The following ADGRB3 variants were observed in gnomAD, a reference collection of about 807,000 sequenced individuals.
ADGRB3 encodes the protein adhesion G protein-coupled receptor B3.
A neutral mutation model predicts 193.4 loss-of-function variants in ADGRB3; 37 were observed. That is an observed-to-expected ratio of 0.19 (90% CI 0.15 to 0.25). The LOEUF is 0.25. Among genes scored for constraint, ADGRB3 ranks in the 10% least tolerant of loss-of-function variants. ADGRB3 has a pLI of 1.00. For missense variants in ADGRB3, 1,637 were observed against 1,852.9 expected, an observed-to-expected ratio of 0.88 and a Z score of 2.14; for synonymous variants, 690 against 644.2, an observed-to-expected ratio of 1.07 and a Z score of -1.08.
chr6:69,042,509 A>C (rs552149733), intron 13 of ADGRB3, among the ~76,000 whole-genome samples: 1 of 151,968 alleles, frequency 6.6e-6, no homozygotes, highest in East Asian at 1.9e-4. Flanking sequence ...GTAAATATAT[A>C]AGTCATGTTT....
At chr6:69,127,195 C>T (rs1192902511) in intron 17 of ADGRB3, among the ~76,000 whole-genome samples, 1 of 152,170 alleles carries the variant, frequency 6.6e-6, no homozygotes, top group East Asian at 1.9e-4. Flanking sequence ...TTCCTGGTTG[C>T]AGGACCCCTT....
In ADGRB3 at chr6:68,975,246, G is replaced by A; in HGVS notation, c.1640G>A (p.Arg547Lys). 6.2e-7 allele frequency: 1 copy of A among 1,613,900 alleles called. No homozygotes were observed. The highest frequency in any genetic ancestry group is 8.5e-7 in the Non-Finnish European group (1 of 1,179,888). ...TTGTGACACACAGGCACCACTAGCA[G>A]ACGCTGCTCTCTCAGTCTTCATGGA... ...CPLNATGTTS[R>K]RCSLSLHGVA... Residue 547 changes from arginine to lysine, a missense_variant, in exon 10 of 32, where the codon AGA becomes AAA. Transcript: ENST00000370598.
At chr6:69,260,720 T>G (rs1297405562) in intron 20 of ADGRB3, among the ~76,000 whole-genome samples, 2 of 152,210 alleles carry the variant, frequency 1.3e-5, no homozygotes, top group African/African-American at 4.8e-5. Context: ...TCCAGGATTC[T>G]TACTTAGGGA....
intron 30 of ADGRB3, among the ~76,000 whole-genome samples, chr6:69,377,158 A>G (rs1192597020): frequency 6.6e-6 from 1 of 152,066 alleles, no homozygotes; most frequent in Non-Finnish European, 1.5e-5. Context: ...ATGAGTTTTG[A>G]CATTCACTTT....
chr6:69,206,193 G>A (rs191053454), intron 17 of ADGRB3, among the ~76,000 whole-genome samples: 2 of 151,648 alleles, frequency 1.3e-5, no homozygotes, highest in Non-Finnish European at 2.9e-5. Context: ...GGAGTCTGAT[G>A]TTTGAGGGCA....
intron 3 of ADGRB3, among the ~76,000 whole-genome samples, chr6:68,758,342 A>T (rs1396743202): frequency 5.3e-5 from 8 of 151,840 alleles, no homozygotes; most frequent in Non-Finnish European, 7.4e-5. Flanking sequence ...TATCATCATC[A>T]TCTCCTTCAT....
intron 31 of ADGRB3, among the ~76,000 whole-genome samples, chr6:69,387,074 A>G (rs1260939389): frequency 6.6e-6 from 1 of 152,106 alleles, no homozygotes; most frequent in Non-Finnish European, 1.5e-5. Flanking sequence ...GGCCCACAAT[A>G]TAAAGCATAT....
chr6:69,243,496 C>A (rs565905912), intron 20 of ADGRB3, among the ~76,000 whole-genome samples: 1 of 150,984 alleles, frequency 6.6e-6, no homozygotes, highest in South Asian at 2.1e-4. Context: ...AAACCGTGGG[C>A]CCCATCGCTA....
chr6:68,777,357 G>T (rs946714328), intron 3 of ADGRB3, among the ~76,000 whole-genome samples: 9 of 152,084 alleles, frequency 5.9e-5, no homozygotes, highest in African/African-American at 2.2e-4. Flanking sequence ...AAAGATGCCT[G>T]ACCCAAAATT....
Position 69,388,968 on chromosome 6 carries a change from A to T in ADGRB3, c.*77A>T. 1 of 1,399,394 alleles carries T rather than the reference A, an allele frequency of 7.1e-7. No homozygotes were observed. The highest frequency in any genetic ancestry group is 9.7e-7 in the Non-Finnish European group (1 of 1,031,386). 86.7% of individuals were successfully genotyped at this position (1,399,394 alleles called of 1,614,324 possible). ...AAGACTTGGGAAGCCTGACATTTCT[A>T]TCTGGACAGTGTGACTATCTTATGT... On this transcript the variant is annotated 3_prime_UTR_variant, in exon 32 of 32. Coordinates refer to ENST00000370598, the MANE Select transcript of ADGRB3 (RefSeq NM_001704.3).
intron 17 of ADGRB3, among the ~76,000 whole-genome samples, chr6:69,212,206 T>C (rs1582549278): frequency 6.6e-6 from 1 of 152,202 alleles, no homozygotes; most frequent in Non-Finnish European, 1.5e-5. Flanking sequence ...CTTATTTGCC[T>C]GTGAAACGTG....
At chr6:68,687,687 A>G (rs1290527103) in intron 3 of ADGRB3, among the ~76,000 whole-genome samples, 1 of 152,206 alleles carries the variant, frequency 6.6e-6, no homozygotes, top group African/African-American at 2.4e-5. Flanking sequence ...TGTATTTATT[A>G]TGTACCATTC....
intron 3 of ADGRB3, among the ~76,000 whole-genome samples, chr6:68,674,382 A>G (rs982814464): frequency 6.6e-6 from 1 of 152,222 alleles, no homozygotes; most frequent in Non-Finnish European, 1.5e-5. Context: ...TGATAAAAAT[A>G]TTATACATTA....
At chr6:69,333,131 A>C in intron 24 of ADGRB3, 123 bp downstream of exon 24, 5 of 1,074,588 alleles carry the variant, frequency 4.7e-6, no homozygotes, top group Non-Finnish European at 5.3e-6. Context: ...TAGTGTGTCC[A>C]GTAGATTCTG....
intron 26 of ADGRB3, among the ~76,000 whole-genome samples, chr6:69,346,350 A>G (rs1226011663): frequency 1.3e-5 from 2 of 152,338 alleles, no homozygotes; most frequent in South Asian, 2.1e-4. Context: ...CTACAAGCCT[A>G]CAGTAACCAA....
intron 9 of ADGRB3, among the ~76,000 whole-genome samples, 177 bp downstream of exon 9, chr6:68,975,041 G>A (rs1182870995): frequency 6.6e-6 from 1 of 152,130 alleles, no homozygotes; most frequent in East Asian, 1.9e-4. Flanking sequence ...AAGAGATATA[G>A]AAAATATTGC....
rs185974631 is a variant in ADGRB3 at position 68,898,620 on chromosome 6, C to T, written c.758-31939C>T. ...CCCCAACCCTTAGACATGGACTTCA[C>T]ATAGTGAATTTCTTCCAAAGAGTAC... On this transcript the variant is annotated intron_variant, in intron 3 of 31. Coordinates refer to ENST00000370598, the MANE Select transcript of ADGRB3 (RefSeq NM_001704.3). Among the ~76,000 whole-genome samples the T allele has an allele frequency of 2.2e-3, 337 of 152,152 alleles. 1 individual carries two copies. Among genetic ancestry groups the T allele is most frequent in the African/African-American group, 7.9e-3 (327 of 41,514 alleles).
At chr6:68,705,170 T>A (rs1462030846) in intron 3 of ADGRB3, among the ~76,000 whole-genome samples, 1 of 152,206 alleles carries the variant, frequency 6.6e-6, no homozygotes, top group Non-Finnish European at 1.5e-5. Context: ...ACCCTAAACA[T>A]GAAGAGTAGC....
chr6:68,919,798 CA>C (rs1397320196), intron 3 of ADGRB3, among the ~76,000 whole-genome samples: 1 of 152,004 alleles, frequency 6.6e-6, no homozygotes, highest in Non-Finnish European at 1.5e-5. Context: ...TCATTCAAGG[CA>C]GGAGGTTTGA....
Sources: gnomAD v4.1 joint callset for allele counts (sites outside exome capture counted in the v4.1 genomes callset) on GRCh38, gnomAD v4.1.1 for gene constraint, MANE v1.5 for transcripts, NCBI Gene and HGNC (gene_info 2026-07-23, HGNC 2026-07-21) for gene names.